Variants in ASPH observed in about 807,000 individuals in gnomAD.
ASPH encodes the protein aspartyl/asparaginyl beta-hydroxylase.
In ASPH, 100 loss-of-function variants were observed where a neutral mutation model predicts 118.4. The ratio of observed to expected loss-of-function variants is 0.84; its 90% confidence interval spans 0.72 to 1.00. The LOEUF (loss-of-function observed/expected upper bound fraction) is 1.00. Among genes scored for constraint, ASPH ranks in the 50% least tolerant of loss-of-function variants. The pLI is 0.00. For synonymous variants in ASPH, 315 were observed against 325.6 expected (o/e 0.97, Z 0.35); for missense variants, 920 against 919.5 (o/e 1.00, Z -0.01).
chr8:61,643,341 A>C, intron 9 of ASPH, 45 bp downstream of exon 9: 1 of 1,565,476 alleles, frequency 6.4e-7, no homozygotes, highest in Non-Finnish European at 8.7e-7. Flanking sequence ...TGATTGAAAA[A>C]TCTAAGGTAA....
chr8:61,571,315 G>T (rs1280814820), intron 16 of ASPH, among the ~76,000 whole-genome samples: 4 of 152,078 alleles, frequency 2.6e-5, no homozygotes, highest in African/African-American at 9.7e-5. Flanking sequence ...AGGATATACA[G>T]TCATCCTTAG....
chr8:61,623,690 A>C (rs1851732295), intron 13 of ASPH: 1 of 152,212 alleles, frequency 6.6e-6, no homozygotes, highest in Admixed American at 6.5e-5. Flanking sequence ...TCCAAAAGAA[A>C]AGAAATTAGT....
At chr8:61,663,801 T>C (rs541703788) in intron 3 of ASPH, 4 of 981,214 alleles carry the variant, frequency 4.1e-6, no homozygotes, top group Non-Finnish European at 4.8e-6. Context: ...TTCTATTGAG[T>C]TGAAGTTTCT....
intron 24 of ASPH, among the ~76,000 whole-genome samples, chr8:61,516,326 G>A (rs1224096736): frequency 6.6e-6 from 1 of 152,144 alleles, no homozygotes; most frequent in East Asian, 1.9e-4. Context: ...CCTCTTCTAT[G>A]ACCACGGTGG....
chr8:61,607,137 C>A, intron 14 of ASPH: 1 of 609,292 alleles, frequency 1.6e-6, no homozygotes, highest in Non-Finnish European at 2.9e-6. Context: ...CTCCACAGAG[C>A]ATAGCACACA....
chr8:61,634,433 A>G (rs1007888284), intron 12 of ASPH, among the ~76,000 whole-genome samples: 1 of 152,222 alleles, frequency 6.6e-6, no homozygotes, highest in South Asian at 2.1e-4. Flanking sequence ...TTTTTTTAAC[A>G]GTATTTTCTA....
At chr8:61,503,797 T>TA (rs1414797143) in intron 24 of ASPH, among the ~76,000 whole-genome samples, 1 of 152,260 alleles carries the variant, frequency 6.6e-6, no homozygotes, top group African/African-American at 2.4e-5. Flanking sequence ...AATTATTCTG[T>TA]ATATTATTAC....
At chr8:61,591,438 A>G (rs1189800099) in intron 14 of ASPH, among the ~76,000 whole-genome samples, 1 of 152,030 alleles carries the variant, frequency 6.6e-6, no homozygotes, top group Non-Finnish European at 1.5e-5. Flanking sequence ...ATCCCCACTG[A>G]AGATCTTGTA....
chr8:61,664,504 T>C, intron 3 of ASPH: 1 of 985,066 alleles, frequency 1.0e-6, no homozygotes. Flanking sequence ...GCAGTGTATG[T>C]GGCACATGGT....
intron 1 of ASPH, among the ~76,000 whole-genome samples, chr8:61,697,742 C>T (rs1269887752): frequency 6.6e-6 from 1 of 152,158 alleles, no homozygotes; most frequent in Non-Finnish European, 1.5e-5. Context: ...GGAAGAAGTG[C>T]CAAGTTTCCA....
chr8:61,581,454 C>T (rs956876843), intron 15 of ASPH, among the ~76,000 whole-genome samples: 2 of 152,134 alleles, frequency 1.3e-5, no homozygotes, highest in Non-Finnish European at 2.9e-5. Flanking sequence ...ATGGGCTGTG[C>T]GGAAGGATAA....
intron 1 of ASPH, among the ~76,000 whole-genome samples, chr8:61,712,319 T>C (rs1350538299): frequency 6.6e-6 from 1 of 152,344 alleles, no homozygotes; most frequent in Admixed American, 6.5e-5. Context: ...TACACGACAC[T>C]GTACTTTAAC....
At chr8:61,692,321 A>T (rs1832833745) in intron 1 of ASPH, among the ~76,000 whole-genome samples, 1 of 152,244 alleles carries the variant, frequency 6.6e-6, no homozygotes, top group Non-Finnish European at 1.5e-5. Context: ...ATTCATTTTT[A>T]TGATGGAGAA....
intron 3 of ASPH, chr8:61,664,345 A>G: frequency 2.1e-6 from 2 of 973,872 alleles, no homozygotes; most frequent in Non-Finnish European, 2.4e-6. Flanking sequence ...AGTGTGATAT[A>G]AAATGAAAGT....
intron 7 of ASPH, 45 bp downstream of exon 7, chr8:61,644,555 G>A (rs1806883091): frequency 1.4e-6 from 2 of 1,445,856 alleles, no homozygotes; most frequent in Admixed American, 2.2e-5. Flanking sequence ...CCCTTTTAAA[G>A]GAAGACTCAC....
intron 20 of ASPH, among the ~76,000 whole-genome samples, chr8:61,550,017 C>T (rs755972294): frequency 3.9e-5 from 6 of 151,984 alleles, no homozygotes; most frequent in Non-Finnish European, 7.4e-5. Flanking sequence ...GTAAGTAATC[C>T]TGCATCAAGT....
At chr8:61,607,280 A>G (rs758974846) in intron 14 of ASPH, 1 of 702,338 alleles carries the variant, frequency 1.4e-6, no homozygotes, top group South Asian at 1.5e-5. Context: ...GTCCCAGGAC[A>G]TGGTGCAAGC....
In ASPH at chr8:61,663,503, T is replaced by C. The variant is rs867996424; in HGVS notation, c.323-9843A>G. 119 of 985,330 alleles carry C rather than the reference T, an allele frequency of 1.2e-4. No homozygotes were observed. The Middle Eastern group carries it at 1.6e-3, about 13-fold the overall frequency. 61.0% of individuals were successfully genotyped at this position (985,330 alleles called of 1,614,324 possible). A position where few individuals can be genotyped will look rare whatever the true frequency, so the allele number is the denominator to read the frequency against. On this transcript the variant is annotated intron_variant, in intron 3 of 24. Coordinates refer to ENST00000379454, the MANE Select transcript of ASPH (RefSeq NM_004318.4). ...GGCAGAAACCAGCACAGTTAAGACT[T>C]AGGAAGTGAGCTAAGAGGAAAAAGA...
At chr8:61,675,826 T>C in intron 3 of ASPH, 2 of 1,297,030 alleles carry the variant, frequency 1.5e-6, no homozygotes, top group African/African-American at 3.0e-5. Context: ...ACCAAGAACA[T>C]CATTTTCAGT....
Sources: allele counts gnomAD v4.1 joint callset (sites outside exome capture counted in the v4.1 genomes callset), GRCh38; gene constraint gnomAD v4.1.1; transcripts MANE v1.5; gene names NCBI Gene and HGNC (gene_info 2026-07-23, HGNC 2026-07-21).